The following ZSCAN5A variants were observed in gnomAD, a reference collection of about 807,000 sequenced individuals.
ZSCAN5A encodes the protein zinc finger and SCAN domain-containing protein 5A.
In ZSCAN5A, 12 loss-of-function variants were observed where a neutral mutation model predicts 23.7. The ratio of observed to expected loss-of-function variants is 0.51; its 90% CI spans 0.32 to 0.82. ZSCAN5A has a LOEUF of 0.82. ZSCAN5A is among the 40% of genes least tolerant of loss of function. The pLI, the probability that ZSCAN5A is intolerant of heterozygous loss-of-function variation, is 0.03. For missense variants in ZSCAN5A, 597 were observed against 617.9 expected, an observed-to-expected ratio of 0.97 and a Z score of 0.36; for synonymous variants, 257 against 239.9, an observed-to-expected ratio of 1.07 and a Z score of -0.66.
chr19:56,297,050 C>T (rs1483231904), intron 2 of ZSCAN5A, among the ~76,000 whole-genome samples: 1 of 147,966 alleles, frequency 6.8e-6, no homozygotes, highest in Non-Finnish European at 1.5e-5. Context: ...GCCTGGGTGA[C>T]AAGAGCAAAA....
At chr19:56,298,432 T>C (rs553397000) in intron 2 of ZSCAN5A, among the ~76,000 whole-genome samples, 4 of 152,070 alleles carry the variant, frequency 2.6e-5, no homozygotes, top group African/African-American at 4.8e-5. Flanking sequence ...GGTCAGGAGA[T>C]TGAGACCATC....
At chr19:56,234,028 T>C (rs963069775) in intron 2 of ZSCAN5A, among the ~76,000 whole-genome samples, 2 of 152,054 alleles carry the variant, frequency 1.3e-5, no homozygotes, top group East Asian at 1.9e-4. Context: ...CTGGGCAACA[T>C]AGTGAGACCC....
At chr19:56,247,202 G>A (rs763207976) in intron 2 of ZSCAN5A, 2 of 463,336 alleles carry the variant, frequency 4.3e-6, no homozygotes, top group South Asian at 2.9e-5. Flanking sequence ...GTCCACCAGC[G>A]AATCCACACT....
At chr19:56,313,019 C>T (rs1286270645) in intron 2 of ZSCAN5A, among the ~76,000 whole-genome samples, 2 of 152,250 alleles carry the variant, frequency 1.3e-5, no homozygotes, top group East Asian at 3.8e-4. Context: ...GAGGTCTGGG[C>T]TCCCATCTCC....
intron 2 of ZSCAN5A, among the ~76,000 whole-genome samples, chr19:56,348,602 C>T (rs2041649093): frequency 6.6e-6 from 1 of 152,208 alleles, no homozygotes; most frequent in African/African-American, 2.4e-5. Context: ...AAGGGAAAGG[C>T]AGCTAACATT....
At chr19:56,263,790 G>A (rs2037280710) in intron 2 of ZSCAN5A, 2 of 150,922 alleles carry the variant, frequency 1.3e-5, no homozygotes, top group South Asian at 4.1e-4. Context: ...GAACCTCTGA[G>A]ATGATGATAA....
intron 2 of ZSCAN5A, chr19:56,263,732 C>A (rs149530266): frequency 6.6e-6 from 1 of 152,174 alleles, no homozygotes; most frequent in Non-Finnish European, 1.5e-5. Flanking sequence ...TAAACAAAGA[C>A]AAGGAATTGC....
At chr19:56,324,344 A>G (rs2041412577) in intron 2 of ZSCAN5A, among the ~76,000 whole-genome samples, 1 of 152,176 alleles carries the variant, frequency 6.6e-6, no homozygotes, top group Admixed American at 6.5e-5. Context: ...GTGTATATGT[A>G]TCATATTTTG....
chr19:56,242,785 CT>C (rs1007045367), intron 2 of ZSCAN5A, among the ~76,000 whole-genome samples: 4 of 98,764 alleles, frequency 4.1e-5, no homozygotes, highest in Admixed American at 1.9e-4. Context: ...TTCTTTCTCT[CT>C]TTTTTTTTTG....
chr19:56,366,398 G>T (rs2041765297), intron 1 of ZSCAN5A, among the ~76,000 whole-genome samples: 1 of 149,430 alleles, frequency 6.7e-6, no homozygotes, highest in African/African-American at 2.5e-5. Flanking sequence ...ACTCCAGCCT[G>T]GGTGACACAG....
intron 2 of ZSCAN5A, among the ~76,000 whole-genome samples, chr19:56,272,537 A>C (rs993049378): frequency 6.6e-6 from 1 of 152,212 alleles, no homozygotes; most frequent in Non-Finnish European, 1.5e-5. Flanking sequence ...CTCTTAGCTC[A>C]TAGGCCCTAC....
chr19:56,275,010 G>A (rs1202817104), intron 2 of ZSCAN5A: 2 of 152,052 alleles, frequency 1.3e-5, no homozygotes, highest in African/African-American at 4.8e-5. Flanking sequence ...ATGCATTTAG[G>A]GCAGGAATAC....
chr19:56,345,823 C>CT (rs2041627918), intron 2 of ZSCAN5A, among the ~76,000 whole-genome samples: 1 of 152,150 alleles, frequency 6.6e-6, no homozygotes, highest in African/African-American at 2.4e-5. Flanking sequence ...TTCTAACTGT[C>CT]TAAACTATAC....
At chr19:56,364,290 A>G (rs1408595012) in intron 1 of ZSCAN5A, among the ~76,000 whole-genome samples, 3 of 152,260 alleles carry the variant, frequency 2.0e-5, no homozygotes, top group East Asian at 1.9e-4. Context: ...ACAGCTTACC[A>G]TATGAACTTA....
chr19:56,242,943 T>A (rs1046926599), intron 2 of ZSCAN5A, among the ~76,000 whole-genome samples: 3 of 152,038 alleles, frequency 2.0e-5, no homozygotes, highest in Admixed American at 1.3e-4. Context: ...CATGCCCGGC[T>A]AATTTTTGTA....
chr19:56,310,653 C>T (rs1028497576), intron 2 of ZSCAN5A, among the ~76,000 whole-genome samples: 7 of 152,208 alleles, frequency 4.6e-5, no homozygotes, highest in Non-Finnish European at 8.8e-5. Flanking sequence ...TTCCAAAGTC[C>T]GTATTCTTTT....
chr19:56,231,416 C>T (rs1056090219), intron 2 of ZSCAN5A, among the ~76,000 whole-genome samples: 41 of 152,132 alleles, frequency 2.7e-4, no homozygotes, highest in African/African-American at 9.4e-4. Flanking sequence ...AAAATAATGC[C>T]TTCTCTAAGA....
At chr19:56,304,576 G>A (rs889586913) in intron 2 of ZSCAN5A, among the ~76,000 whole-genome samples, 36 of 152,186 alleles carry the variant, frequency 2.4e-4, no homozygotes, top group African/African-American at 7.5e-4. Context: ...GGGATGAGGA[G>A]AACTGGCTGG....
chr19:56,321,346 C>T (rs1240160674), intron 2 of ZSCAN5A: 1 of 642,918 alleles, frequency 1.6e-6, no homozygotes, highest in African/African-American at 1.8e-5. Context: ...GCTGTAATAA[C>T]CAGGCATCAC....
Sources: gnomAD v4.1 joint callset for allele counts (sites outside exome capture counted in the v4.1 genomes callset) on GRCh38, gnomAD v4.1.1 for gene constraint, MANE v1.5 for transcripts, NCBI Gene and HGNC (gene_info 2026-07-23, HGNC 2026-07-21) for gene names.